RALGPS1: variants seen among roughly 807,000 people sequenced by gnomAD.
The protein encoded by RALGPS1 is ras-specific guanine nucleotide-releasing factor RalGPS1.
RALGPS1 carries 19 observed loss-of-function variants against 78.8 expected under a neutral mutation model. The observed-to-expected ratio is 0.24, with a 90% CI of 0.17 to 0.35. The LOEUF is 0.35. Among genes scored for constraint, RALGPS1 ranks in the 10% least tolerant of loss-of-function variants. The probability of loss-of-function intolerance (pLI) is 1.00; values close to 1 mark genes in which losing one functional copy is unlikely to be tolerated. For missense variants in RALGPS1, 454 were observed against 688.3 expected, an observed-to-expected ratio of 0.66 and a Z score of 3.81; for synonymous variants, 228 against 256.3, an observed-to-expected ratio of 0.89 and a Z score of 1.06.
At chr9:127,104,125 CCTT>C (rs1406084886) in intron 8 of RALGPS1, among the ~76,000 whole-genome samples, 5 of 152,136 alleles carry the variant, frequency 3.3e-5, no homozygotes, top group Admixed American at 1.3e-4. Context: ...TTTTATGGCC[CCTT>C]CTTCTTCACT....
chr9:127,064,800 A>G (rs1013038826), intron 7 of RALGPS1, among the ~76,000 whole-genome samples: 8 of 152,238 alleles, frequency 5.3e-5, no homozygotes, highest in Non-Finnish European at 1.0e-4. Context: ...ATGCGTCACT[A>G]TATAGTCAAG....
intron 5 of RALGPS1, among the ~76,000 whole-genome samples, chr9:127,035,087 T>G (rs1018960192): frequency 6.6e-6 from 1 of 152,200 alleles, no homozygotes; most frequent in African/African-American, 2.4e-5. Context: ...TGTATAACTC[T>G]GTAGTCTCCA....
At chr9:127,191,614 C>G (rs1398138318) in intron 11 of RALGPS1, among the ~76,000 whole-genome samples, 2 of 151,940 alleles carry the variant, frequency 1.3e-5, no homozygotes, top group Non-Finnish European at 2.9e-5. Flanking sequence ...AAGTCTTGCA[C>G]TGTTTTTCTT....
chr9:127,093,308 G>A (rs2052702832), intron 8 of RALGPS1, among the ~76,000 whole-genome samples: 1 of 152,174 alleles, frequency 6.6e-6, no homozygotes, highest in African/African-American at 2.4e-5. Flanking sequence ...AGGACTTTTT[G>A]GGGGATTCTC....
At position 126,974,899 on chromosome 9, in the gene RALGPS1, G is replaced by A. The variant is rs73668456; in HGVS notation, c.166-2796G>A. On this transcript the variant is annotated intron_variant, in intron 3 of 18. Transcript: ENST00000259351. ...AGGGACAGGGCGCTGAGATGGTCCC[G>A]AGAGCTGGCTATGAAGTGTGACAGG... Among the ~76,000 whole-genome samples, 149 of 151,392 alleles carry A rather than the reference G, an allele frequency of 9.8e-4. 2 individuals are homozygous for A. The highest frequency in any genetic ancestry group is 3.5e-3 in the African/African-American group (147 of 41,460).
At chr9:126,973,393 G>C (rs2040306960) in intron 3 of RALGPS1, among the ~76,000 whole-genome samples, 1 of 152,094 alleles carries the variant, frequency 6.6e-6, no homozygotes. Context: ...TAGGTAGGTA[G>C]GTAGGTAGAT....
At chr9:127,090,939 G>GT (rs1024179092) in intron 8 of RALGPS1, among the ~76,000 whole-genome samples, 2 of 152,282 alleles carry the variant, frequency 1.3e-5, no homozygotes, top group Admixed American at 6.5e-5. Flanking sequence ...TTTTTCTCTT[G>GT]TTTTTTGTTT....
At chr9:127,141,731 A>AT (rs1195076427) in intron 8 of RALGPS1, among the ~76,000 whole-genome samples, 2 of 151,716 alleles carry the variant, frequency 1.3e-5, no homozygotes, top group African/African-American at 2.4e-5. Context: ...AATAAAGAAT[A>AT]TTTTTTCCCA....
At chr9:126,963,464 G>A (rs2039118572) in intron 2 of RALGPS1, among the ~76,000 whole-genome samples, 1 of 152,060 alleles carries the variant, frequency 6.6e-6, no homozygotes, top group South Asian at 2.1e-4. Context: ...TCCAGCACAA[G>A]GTAAGTACTC....
chr9:126,987,601 C>A (rs1055623577), intron 4 of RALGPS1, among the ~76,000 whole-genome samples: 5 of 152,084 alleles, frequency 3.3e-5, no homozygotes, highest in African/African-American at 1.2e-4. Flanking sequence ...GTACGGTGGG[C>A]CTCAGTGTGA....
At position 127,218,209 on chromosome 9, in the gene RALGPS1, T is replaced by A. The variant is rs2062676563; in HGVS notation, c.1645-531T>A. Among the ~76,000 whole-genome samples, 1 of 151,954 alleles carries A rather than the reference T, an allele frequency of 6.6e-6. No individual in the cohort carries two copies. Among genetic ancestry groups the A allele is most frequent in the Non-Finnish European group, 1.5e-5 (1 of 67,988 alleles). Reference sequence around the variant, plus strand: ...GCTAGTGGTCCCGCCAGTAAAGGGGTCTAGGATCTTGTCCTGAGGGCAGAG... The same window carrying A: ...GCTAGTGGTCCCGCCAGTAAAGGGGACTAGGATCTTGTCCTGAGGGCAGAG... On this transcript the variant is annotated intron_variant, in intron 18 of 18. Transcript: ENST00000259351. The surrounding 1 kb of genome is among the most constrained non-coding windows in gnomAD (Gnocchi z 4.4).
At chr9:127,178,137 T>A in intron 11 of RALGPS1, 1 of 806,094 alleles carries the variant, frequency 1.2e-6, no homozygotes, top group Non-Finnish European at 1.8e-6. Context: ...TGATTGGCTG[T>A]GCAGGGTCTG....
intron 11 of RALGPS1, chr9:127,184,316 T>C (rs192761117): frequency 6.1e-6 from 2 of 327,046 alleles, no homozygotes; most frequent in Admixed American, 4.4e-5. Flanking sequence ...CAAGACCTTG[T>C]CTCAGGAAAA....
In RALGPS1 at chr9:127,091,287, C is replaced by G. The variant is rs1032893319; in HGVS notation, c.610+21931C>G. ...AGGAGGTGGGGCCAGCACTGGAGCC[C>G]AGGTGTGTGGCCCAGAGCCTACGCA... On this transcript the variant is annotated intron_variant, in intron 8 of 18. Coordinates refer to ENST00000259351, the MANE Select transcript of RALGPS1 (RefSeq NM_014636.3). The surrounding 1 kb of genome is among the most constrained non-coding windows in gnomAD (Gnocchi z 4.3). 3.3e-5 allele frequency among the ~76,000 whole-genome samples: 5 copies of G among 152,222 alleles called. No homozygotes were observed. Among genetic ancestry groups the G allele is most frequent in the Non-Finnish European group, 5.9e-5 (4 of 68,038 alleles).
In RALGPS1 at chr9:127,218,660, G is replaced by T; in HGVS notation, c.1645-80G>T. 6.8e-7 allele frequency: 1 copy of T among 1,465,052 alleles called. No homozygotes were observed. The highest frequency in any genetic ancestry group is 2.3e-5 in the East Asian group (1 of 44,124). The allele number at this position is 1,465,052 out of a possible 1,614,324, so 90.8% of individuals were successfully genotyped here. A position where few individuals can be genotyped will look rare whatever the true frequency, so the allele number is the denominator to read the frequency against. On this transcript the variant is annotated intron_variant, in intron 18 of 18. Transcript: ENST00000259351. The surrounding 1 kb of genome is among the most constrained non-coding windows in gnomAD (Gnocchi z 4.4). ...TTCCCAGACTCACGGGGAAAGGCCTGTCCCTTCCCCTAGGGACCACCACCC... is the reference window on the plus strand; with the variant it reads ...TTCCCAGACTCACGGGGAAAGGCCTTTCCCTTCCCCTAGGGACCACCACCC...
intron 3 of RALGPS1, among the ~76,000 whole-genome samples, chr9:126,971,572 AGACT>A (rs2040125104): frequency 6.6e-6 from 1 of 152,236 alleles, no homozygotes; most frequent in Admixed American, 6.5e-5. Flanking sequence ...ATATCCAGCA[AGACT>A]GACTTTAAAG....
rs1241483003 is a variant in RALGPS1 at position 127,188,836 on chromosome 9, A to T, written c.911-6255A>T. On this transcript the variant is annotated intron_variant, in intron 11 of 18. Coordinates refer to ENST00000259351, the MANE Select transcript of RALGPS1 (RefSeq NM_014636.3). ...ACTAAGAAACCCCATCTCTACTAAA[A>T]AAAAAAAAAAAAATGTAGCCAGGCA... 1.2e-4 allele frequency among the ~76,000 whole-genome samples: 18 copies of T among 145,792 alleles called. 1 individual carries two copies. The highest frequency in any genetic ancestry group is 3.2e-4 in the African/African-American group (13 of 40,264).
chr9:126,942,208 T>A (rs538603097), intron 1 of RALGPS1, among the ~76,000 whole-genome samples: 1 of 152,208 alleles, frequency 6.6e-6, no homozygotes, highest in Non-Finnish European at 1.5e-5. Flanking sequence ...TTTCATGATG[T>A]CTTTTCCTTT....
chr9:127,162,898 T>C (rs970522419), intron 8 of RALGPS1, among the ~76,000 whole-genome samples: 11 of 152,220 alleles, frequency 7.2e-5, no homozygotes, highest in African/African-American at 2.7e-4. Context: ...AGCAGCCTGA[T>C]AGACCTGGGT....
Sources: gnomAD v4.1 joint callset for allele counts (sites outside exome capture counted in the v4.1 genomes callset) on GRCh38, gnomAD v4.1.1 for gene constraint, Gnocchi (gnomAD v3.1) non-coding constraint, MANE v1.5 for transcripts, NCBI Gene and HGNC (gene_info 2026-07-23, HGNC 2026-07-21) for gene names.